The following IKZF5 variants were observed in gnomAD, a reference collection of about 807,000 sequenced individuals.
IKZF5 encodes the protein zinc finger protein Pegasus.
A neutral mutation model predicts 30.7 loss-of-function variants in IKZF5; 4 were observed. The ratio of observed to expected loss-of-function variants is 0.13; its 90% CI spans 0.06 to 0.30. The LOEUF is 0.30. Among genes scored for constraint, IKZF5 ranks in the 10% least tolerant of loss-of-function variants. The probability of loss-of-function intolerance (pLI) is 1.00; values close to 1 mark genes in which losing one functional copy is unlikely to be tolerated. For missense variants in IKZF5, 348 were observed against 525.5 expected (o/e 0.66, Z 3.30); for synonymous variants, 148 against 179.6 (o/e 0.82, Z 1.41).
intron 2 of IKZF5, among the ~76,000 whole-genome samples, chr10:123,001,130 C>A (rs1327783706): frequency 1.3e-5 from 2 of 151,892 alleles, no homozygotes; most frequent in Non-Finnish European, 2.9e-5. Context: ...CTCAGCCTCC[C>A]GAGTAGCTGG....
rs1422221306 is a variant in IKZF5 at position 123,007,190 on chromosome 10, A to C, written c.-197-14T>G. On this transcript the variant is annotated splice_polypyrimidine_tract_variant and intron_variant, in intron 1 of 4. Transcript: ENST00000368886. ...CCATACAGAGGTCTGCATAAAAAAC[A>C]AACAGCACACCACAAATCAAAACCT... is the stretch of plus-strand genomic sequence containing the variant. 1 of 152,238 alleles carries C rather than the reference A, an allele frequency of 6.6e-6. No individual in the cohort carries two copies. Among genetic ancestry groups the C allele is most frequent in the African/African-American group, 2.4e-5 (1 of 41,466 alleles). The allele number at this position is 152,238 out of a possible 1,614,324, so 9.4% of individuals were successfully genotyped here. A position where few individuals can be genotyped will look rare whatever the true frequency, so the allele number is the denominator to read the frequency against.
chr10:122,997,109 T>A (rs1405109680), intron 3 of IKZF5: 3 of 152,332 alleles, frequency 2.0e-5, no homozygotes, highest in South Asian at 4.1e-4. Flanking sequence ...ATCTGACTAC[T>A]TTTTTGTAGA....
chr10:122,998,369 G>T, intron 3 of IKZF5, 124 bp downstream of exon 3: 1 of 793,998 alleles, frequency 1.3e-6, no homozygotes, highest in Non-Finnish European at 1.9e-6. Context: ...AAAATGCCCT[G>T]TATCTTTCTA....
chr10:122,999,352 C>T (rs1032410085), intron 2 of IKZF5, among the ~76,000 whole-genome samples: 1 of 62,176 alleles, frequency 1.6e-5, no homozygotes, highest in African/African-American at 4.5e-5. Context: ...TAACTACCAG[C>T]AAAGGCTCTT....
chr10:123,006,107 G>A (rs560121750), intron 2 of IKZF5, among the ~76,000 whole-genome samples: 29 of 152,198 alleles, frequency 1.9e-4, no homozygotes, highest in African/African-American at 7.0e-4. Flanking sequence ...TGCCAGTAGC[G>A]TCCCCCAATT....
intron 4 of IKZF5, 57 bp downstream of exon 4, chr10:122,995,937 C>T (rs866294934): frequency 6.5e-7 from 1 of 1,543,726 alleles, no homozygotes; most frequent in Non-Finnish European, 8.9e-7. Flanking sequence ...CAACCTGCCC[C>T]CCTTGGCCCC....
chr10:122,991,596 A>G lies in IKZF5; in HGVS notation c.*2184T>C, dbSNP rs1215429892. ...TCACAGGAAATTTAAATAAAATCTA[A>G]ATATTTTAAAAAATACCATACCAAA... On this transcript the variant is annotated 3_prime_UTR_variant, in exon 5 of 5. Transcript: ENST00000368886. 5.9e-5 allele frequency: 9 copies of G among 152,206 alleles called. No homozygotes were observed. Among genetic ancestry groups the G allele is most frequent in the Admixed American group, 5.9e-4 (9 of 15,278 alleles). 9.4% of individuals were successfully genotyped at this position (152,206 alleles called of 1,614,324 possible). A position where few individuals can be genotyped will look rare whatever the true frequency, so the allele number is the denominator to read the frequency against.
chr10:123,001,477 T>C (rs1034931608), intron 2 of IKZF5, among the ~76,000 whole-genome samples: 2 of 152,210 alleles, frequency 1.3e-5, no homozygotes, highest in Non-Finnish European at 1.5e-5. Flanking sequence ...TTATTTTACC[T>C]TTCATATTTT....
chr10:122,999,294 G>C (rs1163698083), intron 2 of IKZF5, among the ~76,000 whole-genome samples: 1 of 152,230 alleles, frequency 6.6e-6, no homozygotes, highest in Non-Finnish European at 1.5e-5. Context: ...CATATGACCT[G>C]AGTTTTTAAT....
At position 122,998,682 on chromosome 10, in the gene IKZF5, T is replaced by A; in HGVS notation, c.-46-11A>T. On this transcript the variant is annotated splice_polypyrimidine_tract_variant and intron_variant, in intron 2 of 4. Coordinates refer to ENST00000368886, the MANE Select transcript of IKZF5 (RefSeq NM_001372123.1). ...ACCTAGAAAACAAAACTGAAACAAT[T>A]TTACACTATTTAGGGAGATCTAGTA... The A allele has an allele frequency of 6.7e-7, 1 of 1,494,808 alleles. No individual in the cohort carries two copies. The highest frequency in any genetic ancestry group is 1.7e-5 in the Admixed American group (1 of 57,184). The allele number at this position is 1,494,808 out of a possible 1,614,324, so 92.6% of individuals were successfully genotyped here. A position where few individuals can be genotyped will look rare whatever the true frequency, so the allele number is the denominator to read the frequency against.
In IKZF5 at chr10:123,008,720, A is replaced by G; in HGVS notation, c.-224T>C. ...TCCTGACAACTGCATGGAGTAAACC[A>G]CACCGCCTTGTTAAATGCCGTCGCC... On this transcript the variant is annotated 5_prime_UTR_variant, in exon 1 of 5. Coordinates refer to ENST00000368886, the MANE Select transcript of IKZF5 (RefSeq NM_001372123.1). 5.4e-6 allele frequency: 3 copies of G among 552,268 alleles called. No homozygotes were observed. Among genetic ancestry groups the G allele is most frequent in the South Asian group, 2.0e-5 (1 of 50,622 alleles). The allele number at this position is 552,268 out of a possible 1,614,324, so 34.2% of individuals were successfully genotyped here. A position where few individuals can be genotyped will look rare whatever the true frequency, so the allele number is the denominator to read the frequency against.
chr10:123,002,430 G>A (rs1361988171), intron 2 of IKZF5, among the ~76,000 whole-genome samples: 1 of 151,340 alleles, frequency 6.6e-6, no homozygotes, highest in Non-Finnish European at 1.5e-5. Flanking sequence ...TGAGGCAGGA[G>A]AATCGCTTGA....
chr10:122,994,519 C>T lies in IKZF5; in HGVS notation c.521G>A (p.Ser174Asn), dbSNP rs1213125667. Residue 174 changes from serine to asparagine, a missense_variant, in exon 5 of 5, where the codon AGC becomes AAC. Ser to Asn is a conservative substitution (Grantham distance 46). Transcript: ENST00000368886. This position sits in a 1 kb window ranked among gnomAD's most constrained non-coding sequence, Gnocchi z 5.6. ...TAAAACCCCCCACATTTTCTTGCTG[C>T]TTAAGGAAGACCTAGTACCTTTAAT... ...VPIKGTRSSLSSKKMWGVLQK... is the reference protein window; with the variant it reads ...VPIKGTRSSLNSKKMWGVLQK... 1.2e-6 allele frequency: 2 copies of T among 1,614,020 alleles called. No homozygotes were observed. The highest frequency in any genetic ancestry group is 1.7e-6 in the Non-Finnish European group (2 of 1,180,022).
intron 2 of IKZF5, among the ~76,000 whole-genome samples, chr10:122,999,107 T>C (rs544852985): frequency 1.3e-5 from 2 of 152,262 alleles, no homozygotes; most frequent in African/African-American, 2.4e-5. Context: ...GGCAGGAGAA[T>C]TGCTTGGGTC....
At chr10:122,998,773 G>A in intron 2 of IKZF5, 102 bp from the exon 3 acceptor site, 2 of 499,734 alleles carry the variant, frequency 4.0e-6, no homozygotes, top group Non-Finnish European at 3.4e-6. Flanking sequence ...AAAACACAGT[G>A]CCTGCCTTTC....
At chr10:123,008,588 G>A (rs549772189) in intron 1 of IKZF5, 106 bp downstream of exon 1, 9 of 285,784 alleles carry the variant, frequency 3.1e-5, no homozygotes, top group South Asian at 2.3e-4. Context: ...GTCTCCGTCC[G>A]GATCAGCCGG....
Position 122,993,764 on chromosome 10 carries a change from A to G in IKZF5, c.*16T>C. 3.9e-6 allele frequency: 6 copies of G among 1,543,138 alleles called. No homozygotes were observed. The highest frequency in any genetic ancestry group is 3.5e-6 in the Non-Finnish European group (4 of 1,139,976). On this transcript the variant is annotated 3_prime_UTR_variant, in exon 5 of 5. Coordinates refer to ENST00000368886, the MANE Select transcript of IKZF5 (RefSeq NM_001372123.1). The stretch of plus-strand genomic sequence containing the variant: ...CACAAAAACAGCAAAACTAAGTAAA[A>G]TATGACTATTTTCAATCAATGTTGG...
Position 122,993,459 on chromosome 10 carries a change from C to T in IKZF5, c.*321G>A, listed in dbSNP as rs117011425. On this transcript the variant is annotated 3_prime_UTR_variant, in exon 5 of 5. Coordinates refer to ENST00000368886, the MANE Select transcript of IKZF5 (RefSeq NM_001372123.1). Reference sequence around the variant, plus strand: ...TTGAAACATCAAAAGTATGGATAAGCCTTGAAGTTTTTATGGACCATAAAT... The same window carrying T: ...TTGAAACATCAAAAGTATGGATAAGTCTTGAAGTTTTTATGGACCATAAAT... The T allele has an allele frequency of 2.0e-4, 37 of 185,438 alleles. No homozygotes were observed. Among genetic ancestry groups the T allele is most frequent in the Non-Finnish European group, 3.3e-4 (30 of 89,776 alleles). The allele number at this position is 185,438 out of a possible 1,614,324, so 11.5% of individuals were successfully genotyped here.
intron 3 of IKZF5, among the ~76,000 whole-genome samples, chr10:122,996,460 T>G (rs1589716443): frequency 1.4e-5 from 2 of 146,556 alleles, no homozygotes; most frequent in South Asian, 2.2e-4. Flanking sequence ...GAGGCAGAGG[T>G]GGGGGGATAG....
Sources: allele counts gnomAD v4.1 joint callset (sites outside exome capture counted in the v4.1 genomes callset), GRCh38; gene constraint gnomAD v4.1.1; non-coding constraint Gnocchi (gnomAD v3.1); transcripts MANE v1.5; gene names NCBI Gene and HGNC (gene_info 2026-07-23, HGNC 2026-07-21).